FAM83B: variants seen among roughly 807,000 people sequenced by gnomAD.
FAM83B encodes the protein scaffolding CK1 anchoring protein B.
FAM83B carries 26 observed loss-of-function variants against 38.8 expected under a neutral mutation model. The ratio of observed to expected loss-of-function variants is 0.67; its 90% CI spans 0.49 to 0.93. The LOEUF is 0.93. Among genes scored for constraint, FAM83B ranks in the 40% least tolerant of loss-of-function variants. The pLI is 0.00. For missense variants in FAM83B, 1,237 were observed against 1,197.3 expected (o/e 1.03, Z -0.49); for synonymous variants, 419 against 423.1 (o/e 0.99, Z 0.12).
rs916155786 is a variant in FAM83B, at chr6:54,943,529, A to G, written c.*1522A>G. 2 of 152,202 alleles carry G rather than the reference A, an allele frequency of 1.3e-5. No homozygotes were observed. The highest frequency in any genetic ancestry group is 2.4e-5 in the African/African-American group (1 of 41,458). 9.4% of individuals were successfully genotyped at this position (152,202 alleles called of 1,614,324 possible). On this transcript the variant is annotated 3_prime_UTR_variant, in exon 5 of 5. Transcript: ENST00000306858. ...GTTGTTTTAAAAATGCAAGATTCAG[A>G]CAAATTTTAATATTGTCTCATTAAA...
At chr6:54,912,186 A>T (rs1409071704) in intron 2 of FAM83B, among the ~76,000 whole-genome samples, 1 of 152,008 alleles carries the variant, frequency 6.6e-6, no homozygotes, top group East Asian at 1.9e-4. Context: ...AGGCTGTGAA[A>T]GTTTTTGAAT....
intron 2 of FAM83B, among the ~76,000 whole-genome samples, chr6:54,915,202 C>T (rs1398672793): frequency 6.6e-6 from 1 of 151,764 alleles, no homozygotes; most frequent in Non-Finnish European, 1.5e-5. Flanking sequence ...AAAAGTAACA[C>T]AACTTTTTAT....
intron 1 of FAM83B, among the ~76,000 whole-genome samples, chr6:54,857,290 TA>T (rs1771467136): frequency 6.6e-6 from 1 of 152,164 alleles, no homozygotes; most frequent in Non-Finnish European, 1.5e-5. Flanking sequence ...TTATTGGCCT[TA>T]AATAGACTCA....
At chr6:54,907,694 A>T (rs1270291131) in intron 2 of FAM83B, among the ~76,000 whole-genome samples, 5 of 151,998 alleles carry the variant, frequency 3.3e-5, no homozygotes, top group Non-Finnish European at 7.4e-5. Context: ...GTCAGAGTTG[A>T]CCTAATTTAT....
At chr6:54,908,194 A>G (rs1452531474) in intron 2 of FAM83B, among the ~76,000 whole-genome samples, 2 of 148,614 alleles carry the variant, frequency 1.3e-5, no homozygotes, top group African/African-American at 4.9e-5. Flanking sequence ...AAGGATAGCT[A>G]TTCTACTGAT....
chr6:54,942,137 CT>C lies in FAM83B; in HGVS notation c.*131del. 1.1e-6 allele frequency: 1 copy of C among 910,760 alleles called. No homozygotes were observed. The highest frequency in any genetic ancestry group is 1.6e-6 in the Non-Finnish European group (1 of 619,812). 56.4% of individuals were successfully genotyped at this position (910,760 alleles called of 1,614,324 possible). On this transcript the variant is annotated 3_prime_UTR_variant, in exon 5 of 5. Transcript: ENST00000306858. Reference sequence around the variant, plus strand: ...TATGATGTATATGTTCACCAGTGTCCTAGTATAAAGTTATTTTTCTGTGTGA... The same window carrying C: ...TATGATGTATATGTTCACCAGTGTCCAGTATAAAGTTATTTTTCTGTGTGA...
chr6:54,945,099 A>G lies in FAM83B; in HGVS notation c.*3092A>G, dbSNP rs1394112738. The G allele has an allele frequency of 6.6e-6, 1 of 152,174 alleles. No homozygotes were observed. Among genetic ancestry groups the G allele is most frequent in the Non-Finnish European group, 1.5e-5 (1 of 68,028 alleles). 9.4% of individuals were successfully genotyped at this position (152,174 alleles called of 1,614,324 possible). On this transcript the variant is annotated 3_prime_UTR_variant, in exon 5 of 5. Transcript: ENST00000306858. ...AATAAATAATTTTGTACAAACATCAATATATTGTAAGCTATTGTTTTTTTA... is the reference window on the plus strand; with the variant it reads ...AATAAATAATTTTGTACAAACATCAGTATATTGTAAGCTATTGTTTTTTTA...
At chr6:54,851,847 C>T (rs1480340576) in intron 1 of FAM83B, among the ~76,000 whole-genome samples, 2 of 151,654 alleles carry the variant, frequency 1.3e-5, no homozygotes, top group Non-Finnish European at 2.9e-5. Flanking sequence ...CGGGGTTTCA[C>T]CGTTTTAGCC....
intron 1 of FAM83B, among the ~76,000 whole-genome samples, chr6:54,851,474 G>A (rs868150474): frequency 6.6e-6 from 1 of 150,860 alleles, no homozygotes; most frequent in South Asian, 2.1e-4. Flanking sequence ...TTTTGTTTTG[G>A]TTTGGTTTGT....
chr6:54,917,851 C>T (rs1244557799), intron 2 of FAM83B, among the ~76,000 whole-genome samples: 1 of 152,088 alleles, frequency 6.6e-6, no homozygotes, highest in East Asian at 1.9e-4. Flanking sequence ...AGTTGCCTTA[C>T]GTATCCACCC....
chr6:54,851,032 A>C (rs1771262686), intron 1 of FAM83B, among the ~76,000 whole-genome samples: 1 of 151,838 alleles, frequency 6.6e-6, no homozygotes, highest in South Asian at 2.1e-4. Context: ...AAAAAAAAAA[A>C]AAAAAAGTGC....
At chr6:54,912,914 G>A (rs771633976) in intron 2 of FAM83B, among the ~76,000 whole-genome samples, 4 of 151,922 alleles carry the variant, frequency 2.6e-5, no homozygotes, top group Admixed American at 6.6e-5. Context: ...TGACTATTGG[G>A]TACAGATGTA....
rs568983941 is a variant in FAM83B, at chr6:54,911,090, T to C, written c.445-15281T>C. ...AGTCTGTTTTCTATCATTTTTCTCC[T>C]GGGGGGTACAGAGAGAGTGAGCATG... is the stretch of plus-strand genomic sequence containing the variant. On this transcript the variant is annotated intron_variant, in intron 2 of 4. Transcript: ENST00000306858. Among the ~76,000 whole-genome samples the C allele has an allele frequency of 7.3e-5, 11 of 151,022 alleles. No individual in the cohort carries two copies. In the East Asian group the frequency reaches 2.2e-3, roughly 30 times the overall value.
intron 1 of FAM83B, among the ~76,000 whole-genome samples, chr6:54,862,889 C>T (rs775954369): frequency 4.0e-5 from 6 of 149,470 alleles, no homozygotes; most frequent in Admixed American, 1.3e-4. Context: ...AAAAAAACCA[C>T]GAAAAAAAAA....
At chr6:54,862,798 C>A (rs142404065) in intron 1 of FAM83B, among the ~76,000 whole-genome samples, 1,529 of 151,834 alleles carry the variant, frequency 0.01, 31 homozygotes, top group African/African-American at 0.033. Context: ...GTAGGAGAAT[C>A]ACTTGAACCT....
At chr6:54,921,427 T>C (rs1773165464) in intron 2 of FAM83B, among the ~76,000 whole-genome samples, 1 of 151,854 alleles carries the variant, frequency 6.6e-6, no homozygotes, top group Non-Finnish European at 1.5e-5. Flanking sequence ...AAAAATGTCC[T>C]TGGGTCAGGT....
chr6:54,903,004 A>G (rs567934532), intron 2 of FAM83B, among the ~76,000 whole-genome samples: 2 of 152,336 alleles, frequency 1.3e-5, no homozygotes, highest in South Asian at 4.1e-4. Flanking sequence ...CTTTAAGGTA[A>G]TATTCATGTA....
At position 54,896,441 on chromosome 6, in the gene FAM83B, T is replaced by C. The variant is rs1242727414; in HGVS notation, c.444+25751T>C. Among the ~76,000 whole-genome samples, 3 of 152,148 alleles carry C rather than the reference T, an allele frequency of 2.0e-5. No homozygotes were observed. In the East Asian group the frequency reaches 5.8e-4, roughly 29 times the overall value. ...TACCTCAGAGCTCATTTACCCTTGTTTTATACATAATTCAAAGTTCTCTGA... is the reference window on the plus strand; with the variant it reads ...TACCTCAGAGCTCATTTACCCTTGTCTTATACATAATTCAAAGTTCTCTGA... On this transcript the variant is annotated intron_variant, in intron 2 of 4. Transcript: ENST00000306858.
chr6:54,884,307 A>AAAAAG (rs1772214048), intron 2 of FAM83B, among the ~76,000 whole-genome samples: 1 of 149,688 alleles, frequency 6.7e-6, no homozygotes, highest in Non-Finnish European at 1.5e-5. Flanking sequence ...TCTAAAAAAA[A>AAAAAG]AAAAAAAAAA....
Sources: allele counts gnomAD v4.1 joint callset (sites outside exome capture counted in the v4.1 genomes callset), GRCh38; gene constraint gnomAD v4.1.1; transcripts MANE v1.5; gene names NCBI Gene and HGNC (gene_info 2026-07-23, HGNC 2026-07-21).